Variants in JAM3 observed in about 807,000 individuals in gnomAD.
JAM3 encodes the protein junctional adhesion molecule 3.
Under a neutral mutation model 39.4 loss-of-function variants are expected in JAM3, and 31 were observed. The ratio of observed to expected loss-of-function variants is 0.79; its 90% CI spans 0.59 to 1.06. The LOEUF is 1.06. Among genes scored for constraint, JAM3 ranks in the 50% least tolerant of loss-of-function variants. The pLI is 0.00. For missense variants in JAM3, 455 were observed against 391.4 expected (o/e 1.16, Z -1.37); for synonymous variants, 182 against 148.7 (o/e 1.22, Z -1.63).
intron 3 of JAM3, among the ~76,000 whole-genome samples, chr11:134,144,014 A>T (rs1160528563): frequency 1.3e-5 from 2 of 152,160 alleles, no homozygotes; most frequent in Non-Finnish European, 2.9e-5. Context: ...CATGGTAATG[A>T]GTGTGTCTTG....
chr11:134,088,008 C>T (rs1029160296), intron 1 of JAM3, among the ~76,000 whole-genome samples: 9 of 152,098 alleles, frequency 5.9e-5, no homozygotes, highest in African/African-American at 2.2e-4. Context: ...TTCCAGATGC[C>T]CCATGGGTGG....
intron 1 of JAM3, among the ~76,000 whole-genome samples, chr11:134,085,064 C>G (rs1319999936): frequency 6.6e-6 from 1 of 152,158 alleles, no homozygotes. Flanking sequence ...ATTTGACTCA[C>G]CTAGGTTTGT....
At chr11:134,119,332 C>T (rs568946737) in intron 1 of JAM3, among the ~76,000 whole-genome samples, 2 of 152,312 alleles carry the variant, frequency 1.3e-5, no homozygotes, top group South Asian at 2.1e-4. Context: ...GCTGGCTTAA[C>T]CCTGGGGTGT....
intron 1 of JAM3, chr11:134,124,289 G>T: frequency 4.5e-6 from 4 of 884,964 alleles, no homozygotes; most frequent in Non-Finnish European, 7.7e-6. Context: ...GAAAACGCAT[G>T]TTCTCACAGG....
chr11:134,106,956 T>A (rs1942203158), intron 1 of JAM3, among the ~76,000 whole-genome samples: 2 of 152,122 alleles, frequency 1.3e-5, no homozygotes, highest in Admixed American at 6.6e-5. Context: ...TAGAAATACC[T>A]TTTGACCCAG....
chr11:134,121,675 A>G (rs1236159215), intron 1 of JAM3, among the ~76,000 whole-genome samples: 1 of 152,234 alleles, frequency 6.6e-6, no homozygotes, highest in Non-Finnish European at 1.5e-5. Flanking sequence ...TTTGAGAACA[A>G]TTAACATTAG....
chr11:134,130,675 C>A (rs750539596), intron 1 of JAM3, among the ~76,000 whole-genome samples: 3 of 152,234 alleles, frequency 2.0e-5, no homozygotes. Context: ...GGTATTTTTA[C>A]ACACCCTTGC....
intron 3 of JAM3, among the ~76,000 whole-genome samples, chr11:134,142,935 T>TG (rs1411833740): frequency 6.6e-6 from 1 of 152,266 alleles, no homozygotes; most frequent in African/African-American, 2.4e-5. Context: ...CCGTACTTCA[T>TG]TTCTTTTCAC....
intron 1 of JAM3, among the ~76,000 whole-genome samples, chr11:134,107,938 A>G (rs470565): frequency 0.44 from 67,231 of 151,864 alleles, 17,582 homozygotes; most frequent in African/African-American, 0.74. Flanking sequence ...CAGAATAAAG[A>G]AGATAATAAA....
intron 2 of JAM3, among the ~76,000 whole-genome samples, chr11:134,140,412 G>T (rs1942952777): frequency 6.6e-6 from 1 of 152,148 alleles, no homozygotes; most frequent in Admixed American, 6.5e-5. Flanking sequence ...GCCTGGCCAA[G>T]AAATTTCTTA....
intron 1 of JAM3, among the ~76,000 whole-genome samples, chr11:134,113,986 GTCT>G (rs928883770): frequency 2.6e-5 from 4 of 152,282 alleles, no homozygotes; most frequent in African/African-American, 7.2e-5. Context: ...CTGCATAAAT[GTCT>G]TCTTTTCAGA....
intron 1 of JAM3, among the ~76,000 whole-genome samples, chr11:134,092,971 TCTC>T (rs1390843645): frequency 2.0e-5 from 3 of 148,700 alleles, no homozygotes; most frequent in Admixed American, 6.7e-5. Flanking sequence ...GAGAGAAGCT[TCTC>T]CTCAGCCCTC....
At chr11:134,129,385 G>C (rs1591799412) in intron 1 of JAM3, among the ~76,000 whole-genome samples, 1 of 152,086 alleles carries the variant, frequency 6.6e-6, no homozygotes, top group African/African-American at 2.4e-5. Context: ...GAAAGTGCTG[G>C]GATTACAGGC....
chr11:134,083,540 A>G (rs1486181709), intron 1 of JAM3, among the ~76,000 whole-genome samples: 2 of 152,164 alleles, frequency 1.3e-5, no homozygotes, highest in East Asian at 3.8e-4. Context: ...TCCTGAACTC[A>G]CAGATTTTAC....
At chr11:134,148,270 G>C (rs1274333589) in intron 6 of JAM3, 13 of 476,602 alleles carry the variant, frequency 2.7e-5, no homozygotes, top group Non-Finnish European at 4.6e-5. Flanking sequence ...GGATTTTTAA[G>C]CCTACAGTGC....
In JAM3 at chr11:134,149,952, T is replaced by C. The variant is rs1287381264; in HGVS notation, c.*771T>C. 1 of 169,466 alleles carries C rather than the reference T, an allele frequency of 5.9e-6. No homozygotes were observed. 10.5% of individuals were successfully genotyped at this position (169,466 alleles called of 1,614,324 possible). A position where few individuals can be genotyped will look rare whatever the true frequency, so the allele number is the denominator to read the frequency against. The stretch of plus-strand genomic sequence containing the variant: ...ATCTAAATTTTTGCTAAGGATGTAT[T>C]TTGATTATTGAAAAGAAAATTTCTA... On this transcript the variant is annotated 3_prime_UTR_variant, in exon 9 of 9. Coordinates refer to ENST00000299106, the MANE Select transcript of JAM3 (RefSeq NM_032801.5).
Position 134,151,710 on chromosome 11 carries a change from G to C in JAM3, c.*2529G>C, listed in dbSNP as rs1359348986. The stretch of plus-strand genomic sequence containing the variant: ...GACTTGTACTAACACACCGTAATTT[G>C]GCATTTGTTTAACCTCATTTATAAA... On this transcript the variant is annotated 3_prime_UTR_variant, in exon 9 of 9. Coordinates refer to ENST00000299106, the MANE Select transcript of JAM3 (RefSeq NM_032801.5). 1 of 152,128 alleles carries C rather than the reference G, an allele frequency of 6.6e-6. No homozygotes were observed. The highest frequency in any genetic ancestry group is 1.5e-5 in the Non-Finnish European group (1 of 68,034). 9.4% of individuals were successfully genotyped at this position (152,128 alleles called of 1,614,324 possible).
At chr11:134,114,113 G>A (rs1396149665) in intron 1 of JAM3, among the ~76,000 whole-genome samples, 25 of 152,190 alleles carry the variant, frequency 1.6e-4, no homozygotes, top group African/African-American at 4.8e-4. Context: ...AGATGAGTAG[G>A]TTGCAAAAAT....
intron 5 of JAM3, among the ~76,000 whole-genome samples, chr11:134,145,668 C>T (rs915751097): frequency 1.3e-5 from 2 of 152,214 alleles, no homozygotes; most frequent in Admixed American, 1.3e-4. Context: ...GCCCCAGGAG[C>T]AGTCATCATT....
Sources: gnomAD v4.1 joint callset for allele counts (sites outside exome capture counted in the v4.1 genomes callset) on GRCh38, gnomAD v4.1.1 for gene constraint, MANE v1.5 for transcripts, NCBI Gene and HGNC (gene_info 2026-07-23, HGNC 2026-07-21) for gene names.